The following SPG21 variants were observed in gnomAD, a reference collection of about 807,000 sequenced individuals.
The protein encoded by SPG21 is SPG21 abhydrolase domain containing, maspardin.
In SPG21, 26 loss-of-function variants were observed where a neutral mutation model predicts 38.9. The ratio of observed to expected loss-of-function variants is 0.67; its 90% CI spans 0.49 to 0.93. SPG21 has a LOEUF of 0.93. Among genes scored for constraint, SPG21 ranks in the 40% least tolerant of loss-of-function variants. SPG21 has a pLI of 0.00. For missense variants in SPG21, 333 were observed against 376.5 expected, an observed-to-expected ratio of 0.88 and a Z score of 0.96; for synonymous variants, 136 against 128.9, an observed-to-expected ratio of 1.05 and a Z score of -0.37.
At chr15:64,983,128 C>A in intron 2 of SPG21, 2 of 292,202 alleles carry the variant, frequency 6.8e-6, no homozygotes, top group Non-Finnish European at 1.4e-5. Flanking sequence ...TGTGGTAGCG[C>A]ATGCCTGTAA....
intron 1 of SPG21, among the ~76,000 whole-genome samples, chr15:64,985,885 A>G (rs2085983146): frequency 6.6e-6 from 1 of 152,180 alleles, no homozygotes; most frequent in South Asian, 2.1e-4. Flanking sequence ...TTGATTTACA[A>G]CCTTGACATT....
At chr15:64,983,433 G>T in intron 2 of SPG21, 74 bp downstream of exon 2, 1 of 1,069,854 alleles carries the variant, frequency 9.3e-7, no homozygotes, top group South Asian at 1.4e-5. Context: ...ACACTACTAA[G>T]ACATGACATC....
chr15:64,978,636 C>G (rs1212654395), intron 3 of SPG21, among the ~76,000 whole-genome samples: 2 of 152,082 alleles, frequency 1.3e-5, no homozygotes, highest in African/African-American at 2.4e-5. Flanking sequence ...ATAAGACTTC[C>G]ACCATTCCAA....
intron 3 of SPG21, among the ~76,000 whole-genome samples, chr15:64,977,672 C>G (rs1397031422): frequency 6.6e-6 from 1 of 152,120 alleles, no homozygotes; most frequent in Non-Finnish European, 1.5e-5. Flanking sequence ...GTGTGAGCCA[C>G]CATGCCAGGC....
Position 64,981,281 on chromosome 15 carries a change from CCCT to C in SPG21, c.64-259_64-257del, listed in dbSNP as rs2085880406. ...GGGCTGCTGCTTCTCTGTTTCTTCC[CCCT>C]CCTCCTTTTTTTTTTTTTTTTTTGA... On this transcript the variant is annotated intron_variant, in intron 2 of 8. Coordinates refer to ENST00000204566, the MANE Select transcript of SPG21 (RefSeq NM_016630.7). The C allele has an allele frequency of 9.3e-5, 40 of 431,922 alleles. No individual in the cohort carries two copies. In the South Asian group the frequency reaches 9.3e-4, roughly 10 times the overall value. 26.8% of individuals were successfully genotyped at this position (431,922 alleles called of 1,614,324 possible).
Position 64,970,126 on chromosome 15 carries a change from G to A in SPG21, c.549C>T (p.Phe183=). The A allele has an allele frequency of 6.2e-7, 1 of 1,613,470 alleles. No individual in the cohort carries two copies. The highest frequency in any genetic ancestry group is 1.7e-5 in the Admixed American group (1 of 60,030). The change falls in exon 6 of 9, where the codon TTC becomes TTT. Residue 183 remains phenylalanine, a synonymous_variant. Coordinates refer to ENST00000204566, the MANE Select transcript of SPG21 (RefSeq NM_016630.7). ...TCATGATCCTTACCCTGTCTACCAT[G>A]AAATCAATGGCATCAGCCATCATAG... is the stretch of plus-strand genomic sequence containing the variant. ...VDPMMADAID[F]MVDRLESLGQ... is the part of the protein sequence containing the mutation.
In SPG21 at chr15:64,965,285, G is replaced by C. The variant is rs1244725094; in HGVS notation, c.810+35C>G. ...TCTTTATGTTGCAAACATATGTTGG[G>C]CTCAGAGTGCTCTGGGTTTCAAGCT... On this transcript the variant is annotated intron_variant, in intron 8 of 8. Transcript: ENST00000204566. The C allele has an allele frequency of 1.9e-6, 3 of 1,613,888 alleles. No individual in the cohort carries two copies. In the African/African-American group the frequency reaches 4.0e-5, roughly 22 times the overall value.
chr15:64,977,659 C>T (rs1016105076), intron 3 of SPG21, among the ~76,000 whole-genome samples: 2 of 152,106 alleles, frequency 1.3e-5, no homozygotes, highest in African/African-American at 2.4e-5. Flanking sequence ...GCTGGGATTA[C>T]GGGTGTGAGC....
intron 8 of SPG21, 113 bp from the exon 9 acceptor site, chr15:64,963,849 C>G (rs774744192): frequency 2.3e-6 from 2 of 880,168 alleles, no homozygotes; most frequent in Non-Finnish European, 3.6e-6. Context: ...CTCCGCCTCC[C>G]GGGTTCACCC....
chr15:64,979,505 A>C (rs1405077603), intron 3 of SPG21, among the ~76,000 whole-genome samples: 6 of 152,196 alleles, frequency 3.9e-5, no homozygotes, highest in Admixed American at 3.9e-4. Context: ...GAAGCTGGAG[A>C]AATTAAGCCA....
At chr15:64,974,444 C>T (rs2085735323) in intron 5 of SPG21, among the ~76,000 whole-genome samples, 158 bp downstream of exon 5, 1 of 152,114 alleles carries the variant, frequency 6.6e-6, no homozygotes, top group Non-Finnish European at 1.5e-5. Flanking sequence ...CACTGCACTT[C>T]AGCCTGGGTG....
chr15:64,968,554 A>G (rs2085594054), intron 7 of SPG21, among the ~76,000 whole-genome samples: 1 of 152,104 alleles, frequency 6.6e-6, no homozygotes, highest in Non-Finnish European at 1.5e-5. Flanking sequence ...AGGGAACAGG[A>G]GTTATTGTTT....
chr15:64,970,478 A>G (rs1000252112), intron 5 of SPG21, among the ~76,000 whole-genome samples: 2 of 152,204 alleles, frequency 1.3e-5, no homozygotes. Context: ...ACTGAGATAG[A>G]CATTCTGATG....
intron 1 of SPG21, chr15:64,989,463 C>A: frequency 6.5e-6 from 1 of 153,000 alleles, no homozygotes. Context: ...GTCACAAGCA[C>A]ACCGACCACC....
At chr15:64,965,992 A>G (rs80037873) in intron 7 of SPG21, among the ~76,000 whole-genome samples, 149,584 of 152,214 alleles carry the variant, frequency 0.98, 73,545 homozygotes, top group South Asian at 1. Flanking sequence ...GTGAGCCACC[A>G]AGCCCGGCTG....
chr15:64,982,800 T>G (rs1045481781), intron 2 of SPG21: 1 of 152,208 alleles, frequency 6.6e-6, no homozygotes. Flanking sequence ...AGAATGAGTA[T>G]GTCATTGCAA....
intron 1 of SPG21, among the ~76,000 whole-genome samples, chr15:64,988,299 C>A (rs1338238940): frequency 6.6e-6 from 1 of 152,160 alleles, no homozygotes; most frequent in Non-Finnish European, 1.5e-5. Flanking sequence ...TCAACAGAAC[C>A]TGCCACTTTA....
chr15:64,974,515 A>G, intron 5 of SPG21, 87 bp downstream of exon 5: 9 of 1,500,034 alleles, frequency 6.0e-6, no homozygotes, highest in Non-Finnish European at 6.5e-6. Flanking sequence ...AGAAGTAGAT[A>G]TAAGTCTTCC....
At chr15:64,989,451 G>T in intron 1 of SPG21, 1 of 152,512 alleles carries the variant, frequency 6.6e-6, no homozygotes. Flanking sequence ...CACAAAGGCA[G>T]GGTCACAAGC....
Sources: allele counts gnomAD v4.1 joint callset (sites outside exome capture counted in the v4.1 genomes callset), GRCh38; gene constraint gnomAD v4.1.1; transcripts MANE v1.5; gene names NCBI Gene and HGNC (gene_info 2026-07-23, HGNC 2026-07-21).